The following PARN variants were observed in gnomAD, a reference collection of about 807,000 sequenced individuals.
PARN encodes the protein poly(A)-specific ribonuclease.
Under a neutral mutation model 102.8 loss-of-function variants are expected in PARN, and 71 were observed. That is an observed-to-expected ratio of 0.69 (90% CI 0.57 to 0.84). The LOEUF (loss-of-function observed/expected upper bound fraction) is 0.84. Among genes scored for constraint, PARN ranks in the 40% least tolerant of loss-of-function variants. The pLI, the probability that PARN is intolerant of heterozygous loss-of-function variation, is 0.00. For synonymous variants in PARN, 261 were observed against 252.9 expected (o/e 1.03, Z -0.30); for missense variants, 782 against 760.9 (o/e 1.03, Z -0.33).
intron 21 of PARN, among the ~76,000 whole-genome samples, chr16:14,548,165 T>C (rs1022741351): frequency 6.6e-6 from 1 of 151,972 alleles, no homozygotes; most frequent in Non-Finnish European, 1.5e-5. Context: ...GGAGACTCGC[T>C]TGAACCTGGG....
intron 22 of PARN, among the ~76,000 whole-genome samples, chr16:14,481,291 C>A (rs776655321): frequency 1.2e-4 from 19 of 152,122 alleles, no homozygotes; most frequent in Non-Finnish European, 2.4e-4. Flanking sequence ...TAATTAAATA[C>A]TCAACGATTA....
intron 1 of PARN, among the ~76,000 whole-genome samples, chr16:14,629,906 G>A (rs1183293027): frequency 6.6e-6 from 1 of 152,228 alleles, no homozygotes; most frequent in Non-Finnish European, 1.5e-5. Context: ...TGCCGGGGTT[G>A]GAGGAGTAAG....
At chr16:14,546,449 A>G (rs918289095) in intron 21 of PARN, among the ~76,000 whole-genome samples, 1 of 152,192 alleles carries the variant, frequency 6.6e-6, no homozygotes, top group Admixed American at 6.5e-5. Context: ...ATTTATAATT[A>G]CTGGGTAACT....
chr16:14,579,225 C>T (rs1969352306), intron 18 of PARN, among the ~76,000 whole-genome samples: 1 of 152,208 alleles, frequency 6.6e-6, no homozygotes. Flanking sequence ...GCCTTGTTCT[C>T]CCAAAGTGCT....
intron 21 of PARN, among the ~76,000 whole-genome samples, chr16:14,546,737 C>T (rs1241939352): frequency 6.6e-6 from 1 of 152,152 alleles, no homozygotes; most frequent in Non-Finnish European, 1.5e-5. Context: ...GAGCTCTTCC[C>T]CATTTAATAA....
At chr16:14,616,478 T>G (rs1218763442) in intron 6 of PARN, among the ~76,000 whole-genome samples, 2 of 152,184 alleles carry the variant, frequency 1.3e-5, no homozygotes, top group Admixed American at 6.6e-5. Context: ...GGGTGTGGTG[T>G]CTCATGCCTG....
At chr16:14,608,434 G>A in intron 8 of PARN, 115 bp from the exon 9 acceptor site, 1 of 636,458 alleles carries the variant, frequency 1.6e-6, no homozygotes, top group Non-Finnish European at 2.7e-6. Flanking sequence ...AGAACTGATA[G>A]GTAATTTGCA....
chr16:14,592,366 T>C (rs112375617), intron 13 of PARN, among the ~76,000 whole-genome samples: 7 of 152,146 alleles, frequency 4.6e-5, no homozygotes, highest in Admixed American at 2.6e-4. Flanking sequence ...GGGATAAAGA[T>C]GTTGGTGTCT....
At chr16:14,619,848 G>A (rs905726768) in intron 5 of PARN, among the ~76,000 whole-genome samples, 1 of 151,664 alleles carries the variant, frequency 6.6e-6, no homozygotes, top group South Asian at 2.1e-4. Flanking sequence ...GAGGCAGGCG[G>A]ATCAAGAGGT....
At chr16:14,626,615 CTTT>C in intron 5 of PARN, among the ~76,000 whole-genome samples, 1 of 144,636 alleles carries the variant, frequency 6.9e-6, no homozygotes, top group African/African-American at 2.5e-5. Context: ...TTAATTCATT[CTTT>C]TTTTTTTTTT....
intron 19 of PARN, among the ~76,000 whole-genome samples, chr16:14,555,147 C>A (rs568972918): frequency 6.6e-6 from 1 of 152,160 alleles, no homozygotes; most frequent in South Asian, 2.1e-4. Context: ...CAGTGACATG[C>A]ATTAAGGTAA....
intron 6 of PARN, among the ~76,000 whole-genome samples, chr16:14,611,189 C>T (rs1037892356): frequency 2.0e-5 from 3 of 152,148 alleles, no homozygotes; most frequent in East Asian, 1.9e-4. Context: ...AAGAGTCCTT[C>T]GGGTAGGGGA....
At chr16:14,532,196 A>ATTTTTTTTTTTT (rs1966377191) in intron 21 of PARN, among the ~76,000 whole-genome samples, 3 of 125,506 alleles carry the variant, frequency 2.4e-5, no homozygotes, top group Admixed American at 7.8e-5. Flanking sequence ...TTTTTTTTTA[A>ATTTTTTTTTTTT]TTGTTCATTC....
intron 21 of PARN, among the ~76,000 whole-genome samples, chr16:14,526,381 G>A (rs2151660784): frequency 6.6e-6 from 1 of 151,498 alleles, no homozygotes; most frequent in East Asian, 2.0e-4. Context: ...GTTTCACCAT[G>A]TTAGCCAGGA....
intron 12 of PARN, among the ~76,000 whole-genome samples, chr16:14,599,075 G>T (rs1395934173): frequency 8.5e-6 from 1 of 117,718 alleles, no homozygotes; most frequent in Non-Finnish European, 1.6e-5. Flanking sequence ...GACAGGGTCT[G>T]TCTGTCACCC....
At chr16:14,491,022 A>T (rs1025746320) in intron 21 of PARN, among the ~76,000 whole-genome samples, 5 of 152,038 alleles carry the variant, frequency 3.3e-5, no homozygotes. Context: ...ATTTCCCCTT[A>T]ACCCATCTAA....
chr16:14,506,357 G>A (rs1964894171), intron 21 of PARN, among the ~76,000 whole-genome samples: 1 of 152,134 alleles, frequency 6.6e-6, no homozygotes, highest in South Asian at 2.1e-4. Context: ...TAGAAAAACT[G>A]TAAGGGACAT....
At chr16:14,555,459 G>C (rs1045343228) in intron 19 of PARN, among the ~76,000 whole-genome samples, 195 bp downstream of exon 19, 1 of 152,072 alleles carries the variant, frequency 6.6e-6, no homozygotes, top group Non-Finnish European at 1.5e-5. Flanking sequence ...GCATAAACTG[G>C]AAAACATAAA....
intron 22 of PARN, among the ~76,000 whole-genome samples, chr16:14,467,603 A>G (rs964047775): frequency 3.9e-5 from 6 of 152,244 alleles, no homozygotes; most frequent in Non-Finnish European, 8.8e-5. Flanking sequence ...GCATTGCATG[A>G]TATTGATTAC....
Sources: gnomAD v4.1 joint callset for allele counts (sites outside exome capture counted in the v4.1 genomes callset) on GRCh38, gnomAD v4.1.1 for gene constraint, MANE v1.5 for transcripts, NCBI Gene and HGNC (gene_info 2026-07-23, HGNC 2026-07-21) for gene names.